Variants in CNTN5 observed in about 807,000 individuals in gnomAD.
CNTN5 encodes contactin-5.
Under a neutral mutation model 129.1 loss-of-function variants are expected in CNTN5, and 77 were observed. The observed-to-expected ratio is 0.60, with a 90% CI of 0.50 to 0.72. CNTN5 has a LOEUF of 0.72. Ranked by LOEUF, CNTN5 falls within the 30% of genes least tolerant of loss-of-function variation. The pLI, the probability that CNTN5 is intolerant of heterozygous loss-of-function variation, is 0.00. For synonymous variants in CNTN5, 509 were observed against 465.6 expected (o/e 1.09, Z -1.20); for missense variants, 1,478 against 1,328.8 (o/e 1.11, Z -1.75).
intron 9 of CNTN5, among the ~76,000 whole-genome samples, chr11:100,055,395 C>G (rs1460605676): frequency 6.6e-6 from 1 of 151,238 alleles, no homozygotes; most frequent in Non-Finnish European, 1.5e-5. Flanking sequence ...TTTTTTCTTA[C>G]CACTTCTTGC....
intron 2 of CNTN5, among the ~76,000 whole-genome samples, chr11:99,382,844 ACTTTTTTTTTTTT>A (rs1940663986): frequency 4.3e-5 from 3 of 69,420 alleles, no homozygotes; most frequent in Non-Finnish European, 7.1e-5. Context: ...TCTCTAAATA[ACTTTTTTTTTTTT>A]TTTTTTTTTT....
chr11:99,782,669 C>A (rs1435137572), intron 3 of CNTN5, among the ~76,000 whole-genome samples: 1 of 151,794 alleles, frequency 6.6e-6, no homozygotes, highest in Non-Finnish European at 1.5e-5. Context: ...TCAGAAATAA[C>A]GCCGCATATC....
chr11:100,254,469 C>G (rs1950028333), intron 16 of CNTN5, among the ~76,000 whole-genome samples: 1 of 152,122 alleles, frequency 6.6e-6, no homozygotes, highest in Non-Finnish European at 1.5e-5. Flanking sequence ...CAAGGTTGCC[C>G]TCTAGACCTT....
rs557798318 is a variant in CNTN5, at chr11:100,347,675, T to G, written c.3031-3027T>G. Among the ~76,000 whole-genome samples, 5 of 152,172 alleles carry G rather than the reference T, an allele frequency of 3.3e-5. No homozygotes were observed. In the East Asian group the frequency reaches 9.7e-4, roughly 29 times the overall value. ...TTCAGACACCCTGCAGGCAGTGAAT[T>G]CTCACTGATACTGTGTCTCCCAACT... On this transcript the variant is annotated intron_variant, in intron 23 of 24. Transcript: ENST00000524871.
intron 2 of CNTN5, among the ~76,000 whole-genome samples, chr11:99,522,186 A>G (rs939986650): frequency 2.0e-5 from 3 of 152,274 alleles, no homozygotes; most frequent in Middle Eastern, 3.4e-3. Flanking sequence ...AAGAACATAT[A>G]AAGTTCTTTT....
At position 100,341,099 on chromosome 11, in the gene CNTN5, G is replaced by A. The variant is rs1952148659; in HGVS notation, c.2924G>A (p.Ser975Asn). 1 of 1,612,220 alleles carries A rather than the reference G, an allele frequency of 6.2e-7. No individual in the cohort carries two copies. Among genetic ancestry groups the A allele is most frequent in the Non-Finnish European group, 8.5e-7 (1 of 1,178,326 alleles). ...VSATTKKSPP[S>N]QAPSNLRWEQ... ...TTCACTTTTTATTTTGCAGCTCCTAGTCAAGCACCTAGCAACCTCAGGTGG... is the reference window on the plus strand; with the variant it reads ...TTCACTTTTTATTTTGCAGCTCCTAATCAAGCACCTAGCAACCTCAGGTGG... Residue 975 changes from serine (S) to asparagine (N), a missense_variant, in exon 23 of 25, where the codon AGT (serine) becomes AAT (asparagine). Physicochemically the swap from Ser to Asn is conservative, Grantham distance 46. Coordinates refer to ENST00000524871, the MANE Select transcript of CNTN5 (RefSeq NM_014361.4).
chr11:100,048,099 C>T (rs985121735), intron 9 of CNTN5, among the ~76,000 whole-genome samples: 6 of 152,074 alleles, frequency 3.9e-5, no homozygotes, highest in African/African-American at 1.4e-4. Context: ...CCACTGTACT[C>T]CAGCCTGGGT....
chr11:99,393,139 A>C (rs1941349142), intron 2 of CNTN5, among the ~76,000 whole-genome samples: 1 of 151,858 alleles, frequency 6.6e-6, no homozygotes, highest in Non-Finnish European at 1.5e-5. Flanking sequence ...ATGTCAAAAG[A>C]AGGGCAGAAA....
At chr11:99,460,210 T>C (rs2135229711) in intron 2 of CNTN5, among the ~76,000 whole-genome samples, 1 of 151,724 alleles carries the variant, frequency 6.6e-6, no homozygotes. Context: ...TATTTAAAAA[T>C]TATTTCTTAA....
chr11:99,640,495 C>G (rs1362068439), intron 3 of CNTN5, among the ~76,000 whole-genome samples: 2 of 152,154 alleles, frequency 1.3e-5, no homozygotes, highest in Non-Finnish European at 2.9e-5. Context: ...CCCCATGATT[C>G]AATTACCTCC....
intron 1 of CNTN5, among the ~76,000 whole-genome samples, chr11:99,201,361 T>TCCTC: frequency 6.9e-6 from 1 of 144,264 alleles, no homozygotes; most frequent in Non-Finnish European, 1.5e-5. Context: ...TTTCCTTCCT[T>TCCTC]CCTTCCTTCC....
chr11:99,898,200 A>G (rs986830177), intron 6 of CNTN5, among the ~76,000 whole-genome samples: 13 of 152,132 alleles, frequency 8.5e-5, no homozygotes, highest in African/African-American at 3.1e-4. Flanking sequence ...TAAATGTAGC[A>G]GAAGAAAAAA....
intron 2 of CNTN5, among the ~76,000 whole-genome samples, chr11:99,359,278 T>C (rs879179810): frequency 2.0e-5 from 3 of 152,140 alleles, no homozygotes; most frequent in African/African-American, 7.2e-5. Context: ...TAACCTTCTA[T>C]GGTGGAATGG....
chr11:99,747,460 C>CTTTTTTTTT (rs55790126), intron 3 of CNTN5, among the ~76,000 whole-genome samples: 5 of 85,748 alleles, frequency 5.8e-5, no homozygotes, highest in East Asian at 3.7e-4. Context: ...AGTCAGCATC[C>CTTTTTTTTT]TTTTTTTTTT....
intron 2 of CNTN5, among the ~76,000 whole-genome samples, chr11:99,384,465 G>A (rs1362522826): frequency 6.6e-6 from 1 of 152,184 alleles, no homozygotes; most frequent in Non-Finnish European, 1.5e-5. Flanking sequence ...GTACTTAGGT[G>A]AATTTCACCC....
At chr11:99,618,883 T>G (rs1950841784) in intron 3 of CNTN5, among the ~76,000 whole-genome samples, 1 of 152,204 alleles carries the variant, frequency 6.6e-6, no homozygotes, top group South Asian at 2.1e-4. Context: ...AATAAAAAAT[T>G]TAAAGAGAAT....
At chr11:99,295,317 G>A (rs1042811684) in intron 1 of CNTN5, among the ~76,000 whole-genome samples, 4 of 152,082 alleles carry the variant, frequency 2.6e-5, no homozygotes, top group Non-Finnish European at 5.9e-5. Context: ...TTCTCTATAA[G>A]CCACAAGTAT....
chr11:99,299,356 T>C (rs1056723857), intron 1 of CNTN5, among the ~76,000 whole-genome samples: 9 of 151,970 alleles, frequency 5.9e-5, no homozygotes, highest in Non-Finnish European at 8.8e-5. Context: ...ACAGAAGTTA[T>C]AAAAAGGAAC....
intron 2 of CNTN5, among the ~76,000 whole-genome samples, chr11:99,376,093 G>T (rs995589458): frequency 6.6e-6 from 1 of 152,048 alleles, no homozygotes; most frequent in African/African-American, 2.4e-5. Context: ...GTTTCAGCGA[G>T]GTAGGATGAC....
Sources: gnomAD v4.1 joint callset for allele counts (sites outside exome capture counted in the v4.1 genomes callset) on GRCh38, gnomAD v4.1.1 for gene constraint, MANE v1.5 for transcripts, NCBI Gene and HGNC (gene_info 2026-07-23, HGNC 2026-07-21) for gene names.